The following NKX2-3 variants were observed in gnomAD, a reference collection of about 807,000 sequenced individuals.
The protein encoded by NKX2-3 is NK2 homeobox 3.
NKX2-3 carries 3 observed loss-of-function variants against 14.2 expected under a neutral mutation model. That is an observed-to-expected ratio of 0.21 (90% confidence interval 0.10 to 0.55). The LOEUF is 0.55. NKX2-3 is among the 20% of genes least tolerant of loss of function. NKX2-3 has a pLI of 0.94. For missense variants in NKX2-3, 511 were observed against 514.5 expected (o/e 0.99, Z 0.06); for synonymous variants, 276 against 234.2 (o/e 1.18, Z -1.63).
Position 99,535,637 on chromosome 10 carries a change from C to T in NKX2-3, c.1011C>T (p.Gly337=), listed in dbSNP as rs2033961658. 6.5e-7 allele frequency: 1 copy of T among 1,534,806 alleles called. No homozygotes were observed. Residue 337 remains glycine (G), a synonymous_variant, in exon 2 of 2, where the codon GGC becomes GGT. Transcript: ENST00000344586. ...NVSNLGGFGS[G]GSAQPLHQGT... is the part of the protein sequence containing the mutation. ...GCAACCTAGGAGGCTTCGGCAGCGG[C>T]GGCAGCGCACAGCCGTTGCACCAGG...
Position 99,535,632 on chromosome 10 carries a change from A to G in NKX2-3, c.1006A>G (p.Ser336Gly). The change falls in exon 2 of 2, where the codon AGC becomes GGC. Residue 336 changes from serine (S) to glycine (G), a missense_variant. Physicochemically the swap from Ser to Gly is moderately conservative, Grantham distance 56. Coordinates refer to ENST00000344586, the MANE Select transcript of NKX2-3 (RefSeq NM_145285.3). ...CGTGAGCAACCTAGGAGGCTTCGGC[A>G]GCGGCGGCAGCGCACAGCCGTTGCA... ...VNVSNLGGFG[S>G]GGSAQPLHQG... The G allele has an allele frequency of 6.5e-7, 1 of 1,534,594 alleles. No homozygotes were observed. The highest frequency in any genetic ancestry group is 1.2e-5 in the South Asian group (1 of 83,916).
At position 99,533,025 on chromosome 10, in the gene NKX2-3, C is replaced by G; in HGVS notation, c.-107C>G. 1 of 787,658 alleles carries G rather than the reference C, an allele frequency of 1.3e-6. No homozygotes were observed. The highest frequency in any genetic ancestry group is 1.8e-5 in the South Asian group (1 of 54,188). The allele number at this position is 787,658 out of a possible 1,614,324, so 48.8% of individuals were successfully genotyped here. ...GAGTGGGACCGCGTCTGTCAAAAGC[C>G]CGACTCGGCAGCAGCGGCGGAGTCC... On this transcript the variant is annotated 5_prime_UTR_variant, in exon 1 of 2. Transcript: ENST00000344586.
At chr10:99,533,539 G>A in intron 1 of NKX2-3, 50 bp downstream of exon 1, 1 of 1,377,234 alleles carries the variant, frequency 7.3e-7, no homozygotes, top group Non-Finnish European at 9.9e-7. Flanking sequence ...AGCAATGGCA[G>A]AGCGCACACA....
Position 99,535,610 on chromosome 10 carries a change from G to A in NKX2-3, c.984G>A (p.Val328=). Residue 328 remains valine, a synonymous_variant, in exon 2 of 2, where the codon GTG becomes GTA. Coordinates refer to ENST00000344586, the MANE Select transcript of NKX2-3 (RefSeq NM_145285.3). ...SAAGGGPFVN[V]SNLGGFGSGG... The stretch of plus-strand genomic sequence containing the variant: ...CCGGAGGCGGCCCCTTTGTGAACGT[G>A]AGCAACCTAGGAGGCTTCGGCAGCG... The A allele has an allele frequency of 1.3e-6, 2 of 1,519,104 alleles. No individual in the cohort carries two copies. The highest frequency in any genetic ancestry group is 1.8e-6 in the Non-Finnish European group (2 of 1,137,838). 94.1% of individuals were successfully genotyped at this position (1,519,104 alleles called of 1,614,324 possible).
In NKX2-3 at chr10:99,535,085, C is replaced by A. The variant is rs778837014; in HGVS notation, c.459C>A (p.Val153=). The A allele has an allele frequency of 6.2e-7, 1 of 1,608,638 alleles. No individual in the cohort carries two copies. Among genetic ancestry groups the A allele is most frequent in the South Asian group, 1.1e-5 (1 of 90,164 alleles). ...PKPRSRRKPR[V]LFSQAQVFEL... is the part of the protein sequence containing the mutation. ...CACGCAGCCGCCGGAAGCCCCGGGT[C>A]CTCTTCTCGCAAGCCCAGGTCTTCG... Residue 153 remains valine, a synonymous_variant, in exon 2 of 2, where the codon GTC becomes GTA. Transcript: ENST00000344586.
chr10:99,534,154 T>C (rs1040862520), intron 1 of NKX2-3, among the ~76,000 whole-genome samples: 1 of 152,122 alleles, frequency 6.6e-6, no homozygotes, highest in African/African-American at 2.4e-5. Flanking sequence ...TTTTTGAAAA[T>C]CCGTAACGTT....
rs1589973813 is a variant in NKX2-3, at chr10:99,535,829, G to A, written c.*108G>A. On this transcript the variant is annotated 3_prime_UTR_variant, in exon 2 of 2. Transcript: ENST00000344586. Reference sequence around the variant, plus strand: ...TCAGGTCCCCTCGTTAAAAAAATATGTACGTCTAGCTCCTCAGGGCTTCGG... The same window carrying A: ...TCAGGTCCCCTCGTTAAAAAAATATATACGTCTAGCTCCTCAGGGCTTCGG... 1 of 1,260,104 alleles carries A rather than the reference G, an allele frequency of 7.9e-7. No homozygotes were observed. The allele number at this position is 1,260,104 out of a possible 1,614,324, so 78.1% of individuals were successfully genotyped here.
In NKX2-3 at chr10:99,535,012, A is replaced by G. The variant is rs772330186; in HGVS notation, c.386A>G (p.Glu129Gly). 7 of 1,604,540 alleles carry G rather than the reference A, an allele frequency of 4.4e-6. No individual in the cohort carries two copies. Among genetic ancestry groups the G allele is most frequent in the South Asian group, 2.2e-5 (2 of 89,606 alleles). The change falls in exon 2 of 2, where the codon GAG becomes GGG. Residue 129 changes from glutamate to glycine, a missense_variant. Glu to Gly is a moderately conservative substitution (Grantham distance 98). Transcript: ENST00000344586. ...QKSCQLKKSL[E>G]TAGDCKAAEE... ...AGCTGCCAGCTGAAGAAGTCTCTAGAGACGGCCGGAGACTGCAAGGCGGCG... is the reference window on the plus strand; with the variant it reads ...AGCTGCCAGCTGAAGAAGTCTCTAGGGACGGCCGGAGACTGCAAGGCGGCG...
rs184601313 is a variant in NKX2-3, at chr10:99,535,094, G to T, written c.468G>T (p.Ser156=). 900 of 1,609,240 alleles carry T rather than the reference G, an allele frequency of 5.6e-4. No homozygotes were observed. The highest frequency in any genetic ancestry group is 6.9e-4 in the Non-Finnish European group (818 of 1,178,156). ...GCCGGAAGCCCCGGGTCCTCTTCTCGCAAGCCCAGGTCTTCGAGCTGGAAC... is the reference window on the plus strand; with the variant it reads ...GCCGGAAGCCCCGGGTCCTCTTCTCTCAAGCCCAGGTCTTCGAGCTGGAAC... The part of the protein sequence containing the change: ...RSRRKPRVLF[S]QAQVFELERR... The change falls in exon 2 of 2, where the codon TCG becomes TCT. Residue 156 remains serine (S), a synonymous_variant. Coordinates refer to ENST00000344586, the MANE Select transcript of NKX2-3 (RefSeq NM_145285.3).
chr10:99,535,536 G>A lies in NKX2-3; in HGVS notation c.910G>A (p.Gly304Ser). 2 of 1,324,778 alleles carry A rather than the reference G, an allele frequency of 1.5e-6. No homozygotes were observed. Among genetic ancestry groups the A allele is most frequent in the Non-Finnish European group, 1.9e-6 (2 of 1,044,140 alleles). The allele number at this position is 1,324,778 out of a possible 1,614,324, so 82.1% of individuals were successfully genotyped here. The stretch of plus-strand genomic sequence containing the variant: ...CCCGGCGGGCGGCGGCGGCGGCGGC[G>A]GCGGGACCTCCGCGGCGACCACTGC... ...AYPAGGGGGG[G>S]GTSAATTAMQ... Residue 304 changes from glycine to serine, a missense_variant, in exon 2 of 2, where the codon GGC becomes AGC. Physicochemically the swap from Gly to Ser is moderately conservative, Grantham distance 56. Coordinates refer to ENST00000344586, the MANE Select transcript of NKX2-3 (RefSeq NM_145285.3).
chr10:99,535,437 G>A lies in NKX2-3; in HGVS notation c.811G>A (p.Ala271Thr), dbSNP rs1348002070. The change falls in exon 2 of 2, where the codon GCC (alanine) becomes ACC (threonine). Residue 271 changes from alanine to threonine, a missense_variant. By Grantham distance (58) the Ala-to-Thr change is moderately conservative. Transcript: ENST00000344586. ...CCCCGCCTACGGCTATGGGAACTCGGCCGCGGCCGCCGCCGCCGCCGCCGC... is the reference window on the plus strand; with the variant it reads ...CCCCGCCTACGGCTATGGGAACTCGACCGCGGCCGCCGCCGCCGCCGCCGC... ...SFPAYGYGNS[A>T]AAAAAAAAAA... 1.5e-6 allele frequency: 2 copies of A among 1,319,000 alleles called. No homozygotes were observed. The highest frequency in any genetic ancestry group is 3.8e-5 in the Admixed American group (1 of 26,274). The allele number at this position is 1,319,000 out of a possible 1,614,324, so 81.7% of individuals were successfully genotyped here.
chr10:99,533,103 TATTTGGACTGGACA>T lies in NKX2-3; in HGVS notation c.-25_-12del. ...CCTCCCCGCCCCCGCCGGGATTTAT[TATTTGGACTGGACA>T]ATTAAGTGGCCCTGATGATGTTACC... On this transcript the variant is annotated 5_prime_UTR_variant, in exon 1 of 2. Coordinates refer to ENST00000344586, the MANE Select transcript of NKX2-3 (RefSeq NM_145285.3). 1 of 1,469,174 alleles carries T rather than the reference TATTTGGACTGGACA, an allele frequency of 6.8e-7. No individual in the cohort carries two copies. Among genetic ancestry groups the T allele is most frequent in the African/African-American group, 1.4e-5 (1 of 71,030 alleles). The allele number at this position is 1,469,174 out of a possible 1,614,324, so 91.0% of individuals were successfully genotyped here.
At chr10:99,534,042 A>C (rs2033939166) in intron 1 of NKX2-3, among the ~76,000 whole-genome samples, 1 of 152,114 alleles carries the variant, frequency 6.6e-6, no homozygotes, top group Non-Finnish European at 1.5e-5. Context: ...GCGTCCTTGA[A>C]CCCGTGGCAC....
intron 1 of NKX2-3, among the ~76,000 whole-genome samples, chr10:99,534,555 G>A (rs776447327): frequency 6.6e-6 from 1 of 152,170 alleles, no homozygotes; most frequent in Non-Finnish European, 1.5e-5. Context: ...CGCAACCCAT[G>A]CCCACCGGCC....
At position 99,535,438 on chromosome 10, in the gene NKX2-3, C is replaced by T; in HGVS notation, c.812C>T (p.Ala271Val). 1 of 1,321,392 alleles carries T rather than the reference C, an allele frequency of 7.6e-7. No homozygotes were observed. Among genetic ancestry groups the T allele is most frequent in the Non-Finnish European group, 9.7e-7 (1 of 1,031,870 alleles). 81.9% of individuals were successfully genotyped at this position (1,321,392 alleles called of 1,614,324 possible). A position where few individuals can be genotyped will look rare whatever the true frequency, so the allele number is the denominator to read the frequency against. The stretch of plus-strand genomic sequence containing the variant: ...CCCGCCTACGGCTATGGGAACTCGG[C>T]CGCGGCCGCCGCCGCCGCCGCCGCC... ...SFPAYGYGNS[A>V]AAAAAAAAAA... The change falls in exon 2 of 2, where the codon GCC (alanine) becomes GTC (valine). Residue 271 changes from alanine to valine, a missense_variant. By Grantham distance (64) the Ala-to-Val change is moderately conservative. Around this residue, in one of 3 missense-constraint regions of NKX2-3, gnomAD observed 264 missense variants for 254.7 expected, o/e 1.04. Transcript: ENST00000344586.
intron 1 of NKX2-3, 62 bp downstream of exon 1, chr10:99,533,551 A>C: frequency 1.6e-6 from 2 of 1,278,508 alleles, no homozygotes; most frequent in Non-Finnish European, 2.2e-6. Flanking sequence ...GCGCACACAA[A>C]CAGCCCACAG....
rs1263136603 is a variant in NKX2-3, at chr10:99,535,007, T to C, written c.381T>C (p.Ser127=). Residue 127 remains serine, a synonymous_variant, in exon 2 of 2, where the codon TCT becomes TCC. Transcript: ENST00000344586. ...RSQKSCQLKK[S]LETAGDCKAA... is the part of the protein sequence containing the mutation. Reference sequence around the variant, plus strand: ...CAGAAAGCTGCCAGCTGAAGAAGTCTCTAGAGACGGCCGGAGACTGCAAGG... The same window carrying C: ...CAGAAAGCTGCCAGCTGAAGAAGTCCCTAGAGACGGCCGGAGACTGCAAGG... 4 of 1,603,828 alleles carry C rather than the reference T, an allele frequency of 2.5e-6. No homozygotes were observed. In the African/African-American group the frequency reaches 5.4e-5, roughly 21 times the overall value.
chr10:99,535,639 G>A lies in NKX2-3; in HGVS notation c.1013G>A (p.Gly338Asp). ...AACCTAGGAGGCTTCGGCAGCGGCG[G>A]CAGCGCACAGCCGTTGCACCAGGGT... is the stretch of plus-strand genomic sequence containing the variant. The part of the protein sequence containing the change: ...VSNLGGFGSG[G>D]SAQPLHQGTA... Residue 338 changes from glycine to aspartate, a missense_variant, in exon 2 of 2, where the codon GGC (glycine) becomes GAC (aspartate). By Grantham distance (94) the Gly-to-Asp change is moderately conservative. Around this residue, in one of 3 missense-constraint regions of NKX2-3, gnomAD observed 264 missense variants for 254.7 expected, o/e 1.04. Coordinates refer to ENST00000344586, the MANE Select transcript of NKX2-3 (RefSeq NM_145285.3). 3 of 1,534,714 alleles carry A rather than the reference G, an allele frequency of 2.0e-6. No individual in the cohort carries two copies. Among genetic ancestry groups the A allele is most frequent in the Non-Finnish European group, 2.6e-6 (3 of 1,144,208 alleles).
Position 99,533,031 on chromosome 10 carries a change from C to A in NKX2-3, c.-101C>A, listed in dbSNP as rs1170137020. Reference sequence around the variant, plus strand: ...GACCGCGTCTGTCAAAAGCCCGACTCGGCAGCAGCGGCGGAGTCCAGGAGG... The same window carrying A: ...GACCGCGTCTGTCAAAAGCCCGACTAGGCAGCAGCGGCGGAGTCCAGGAGG... On this transcript the variant is annotated 5_prime_UTR_variant, in exon 1 of 2. Coordinates refer to ENST00000344586, the MANE Select transcript of NKX2-3 (RefSeq NM_145285.3). The A allele has an allele frequency of 1.2e-6, 1 of 813,356 alleles. No individual in the cohort carries two copies. The allele number at this position is 813,356 out of a possible 1,614,324, so 50.4% of individuals were successfully genotyped here.
Sources: allele counts gnomAD v4.1 joint callset (sites outside exome capture counted in the v4.1 genomes callset), GRCh38; gene constraint gnomAD v4.1.1; regional missense constraint gnomAD v4.1.1; transcripts MANE v1.5; gene names NCBI Gene and HGNC (gene_info 2026-07-23, HGNC 2026-07-21).